The following MACC1 variants were observed in gnomAD, a reference collection of about 807,000 sequenced individuals.
MACC1 encodes MET transcriptional regulator MACC1, also known as metastasis-associated in colon cancer protein 1.
Under a neutral mutation model 70.7 loss-of-function variants are expected in MACC1, and 79 were observed. The observed-to-expected ratio is 1.12, with a 90% CI of 0.93 to 1.35. MACC1 has a LOEUF of 1.35. MACC1 is among the 40% of genes most tolerant of loss of function. MACC1 has a pLI of 0.00. For missense variants in MACC1, 1,106 were observed against 978.1 expected (o/e 1.13, Z -1.74); for synonymous variants, 361 against 347.2 (o/e 1.04, Z -0.44).
intron 1 of MACC1, among the ~76,000 whole-genome samples, chr7:20,171,255 C>A (rs932088059): frequency 1.2e-4 from 17 of 144,182 alleles, no homozygotes; most frequent in South Asian, 2.2e-4. Flanking sequence ...ATTTTATTTT[C>A]TTTTTTTTTT....
chr7:20,196,397 G>C (rs1035599615), intron 1 of MACC1, among the ~76,000 whole-genome samples: 39 of 152,040 alleles, frequency 2.6e-4, no homozygotes, highest in Non-Finnish European at 4.4e-4. Flanking sequence ...AGCCAGGATG[G>C]TCTCAATCTC....
intron 1 of MACC1, among the ~76,000 whole-genome samples, chr7:20,183,299 T>C (rs1461303934): frequency 2.0e-5 from 3 of 152,350 alleles, no homozygotes; most frequent in Admixed American, 2.0e-4. Flanking sequence ...GGCCCCTGGC[T>C]GTAGTTGGCA....
rs146774790 is a variant in MACC1 at position 20,158,203 on chromosome 7, C to T, written c.2157+1G>A. The T allele has an allele frequency of 3.8e-6, 6 of 1,560,522 alleles. No homozygotes were observed. Among genetic ancestry groups the T allele is most frequent in the African/African-American group, 2.8e-5 (2 of 72,632 alleles). On this transcript the variant is annotated splice_donor_variant, in intron 5 of 6. Transcript: ENST00000400331. LOFTEE classifies it high-confidence loss of function. Reference sequence around the variant, plus strand: ...CATTACCATGATCAAGCAATACTCACCACAATAAGTTCATACAGAAACTTC... The same window carrying T: ...CATTACCATGATCAAGCAATACTCATCACAATAAGTTCATACAGAAACTTC...
chr7:20,150,357 T>A (rs928668947), intron 6 of MACC1: 2 of 152,300 alleles, frequency 1.3e-5, no homozygotes, highest in Admixed American at 6.5e-5. Context: ...GTGGAAAGAA[T>A]TCCATGTGGA....
chr7:20,178,516 C>T (rs1292546455), intron 1 of MACC1, among the ~76,000 whole-genome samples: 3 of 152,134 alleles, frequency 2.0e-5, no homozygotes, highest in South Asian at 2.1e-4. Context: ...AGTTTTTTAT[C>T]ATTCTGTTAA....
chr7:20,160,156 T>G lies in MACC1; in HGVS notation c.205A>C (p.Asn69His), dbSNP rs2128102920. 3 of 1,612,246 alleles carry G rather than the reference T, an allele frequency of 1.9e-6. No homozygotes were observed. The highest frequency in any genetic ancestry group is 2.5e-6 in the Non-Finnish European group (3 of 1,179,588). Reference sequence around the variant, plus strand: ...AATGGGTTAGAAGCAGACAGTTGATTCCAGAATGGATTTGCAACTTTGGAA... The same window carrying G: ...AATGGGTTAGAAGCAGACAGTTGATGCCAGAATGGATTTGCAACTTTGGAA... ...NASKVANPFW[N>H]QLSASNPFLD... Residue 69 changes from asparagine to histidine, a missense_variant, in exon 5 of 7, where the codon AAT becomes CAT. Physicochemically the swap from Asn to His is moderately conservative, Grantham distance 68. Coordinates refer to ENST00000400331, the MANE Select transcript of MACC1 (RefSeq NM_182762.4).
chr7:20,189,398 G>A (rs535356479), intron 1 of MACC1, among the ~76,000 whole-genome samples: 30 of 152,238 alleles, frequency 2.0e-4, no homozygotes, highest in Non-Finnish European at 2.6e-4. Context: ...GCACATAGTA[G>A]GTGCTCAATA....
chr7:20,160,841 G>A (rs766491051), intron 4 of MACC1, among the ~76,000 whole-genome samples: 3 of 151,896 alleles, frequency 2.0e-5, no homozygotes, highest in Non-Finnish European at 2.9e-5. Flanking sequence ...CTATAATTTT[G>A]TATTGAAATG....
At chr7:20,186,202 A>G (rs1430601242) in intron 1 of MACC1, among the ~76,000 whole-genome samples, 2 of 152,176 alleles carry the variant, frequency 1.3e-5, no homozygotes, top group Non-Finnish European at 2.9e-5. Flanking sequence ...ATAACCTCTT[A>G]TAATCTAAAA....
chr7:20,196,180 T>A (rs565976482), intron 1 of MACC1, among the ~76,000 whole-genome samples: 63 of 152,262 alleles, frequency 4.1e-4, no homozygotes, highest in African/African-American at 1.2e-3. Flanking sequence ...AGGTTTTTTT[T>A]AAATTTTATT....
chr7:20,151,835 C>A (rs1360970619), intron 6 of MACC1, among the ~76,000 whole-genome samples: 1 of 152,080 alleles, frequency 6.6e-6, no homozygotes, highest in Non-Finnish European at 1.5e-5. Flanking sequence ...TAACCCTGGC[C>A]GCACCTTCTG....
chr7:20,213,621 G>A (rs1463827175), intron 1 of MACC1, among the ~76,000 whole-genome samples: 1 of 152,178 alleles, frequency 6.6e-6, no homozygotes, highest in Non-Finnish European at 1.5e-5. Flanking sequence ...CATGTATTTT[G>A]CAGGGACATG....
At chr7:20,175,873 G>A (rs1562592150) in intron 1 of MACC1, among the ~76,000 whole-genome samples, 1 of 152,012 alleles carries the variant, frequency 6.6e-6, no homozygotes, top group East Asian at 1.9e-4. Flanking sequence ...TTGGAATATA[G>A]CAAATATAAA....
chr7:20,209,215 G>A (rs1782959009), intron 1 of MACC1, among the ~76,000 whole-genome samples: 1 of 152,246 alleles, frequency 6.6e-6, no homozygotes, highest in African/African-American at 2.4e-5. Flanking sequence ...GCTGTGAGAA[G>A]AGGGCTACTG....
intron 6 of MACC1, among the ~76,000 whole-genome samples, chr7:20,144,190 C>G (rs1018608435): frequency 2.6e-5 from 4 of 152,134 alleles, no homozygotes; most frequent in African/African-American, 7.2e-5. Flanking sequence ...TTATCTTCCA[C>G]TACAATAAAT....
chr7:20,184,243 C>T (rs945122969), intron 1 of MACC1, among the ~76,000 whole-genome samples: 1 of 152,090 alleles, frequency 6.6e-6, no homozygotes, highest in Non-Finnish European at 1.5e-5. Context: ...GTCCCGAGAC[C>T]ACTTTTATTC....
At chr7:20,147,619 T>C (rs1488637499) in intron 6 of MACC1, 2 of 152,192 alleles carry the variant, frequency 1.3e-5, no homozygotes, top group Non-Finnish European at 2.9e-5. Flanking sequence ...TGCTGTTGTC[T>C]TCAGAAGAGA....
At chr7:20,164,887 T>G (rs1042545639) in intron 2 of MACC1, among the ~76,000 whole-genome samples, 2 of 105,836 alleles carry the variant, frequency 1.9e-5, no homozygotes, top group African/African-American at 7.7e-5. Flanking sequence ...GTAAACTACC[T>G]AAACTCTTTT....
chr7:20,171,656 G>C (rs1398557991), intron 1 of MACC1, among the ~76,000 whole-genome samples: 1 of 148,684 alleles, frequency 6.7e-6, no homozygotes. Flanking sequence ...ATCTCAGCTC[G>C]CTGCAACCTC....
Sources: gnomAD v4.1 joint callset for allele counts (sites outside exome capture counted in the v4.1 genomes callset) on GRCh38, gnomAD v4.1.1 for gene constraint, MANE v1.5 for transcripts, NCBI Gene and HGNC (gene_info 2026-07-23, HGNC 2026-07-21) for gene names.